The following RBFOX1 variants were observed in gnomAD, a reference collection of about 807,000 sequenced individuals.
The protein encoded by RBFOX1 is RNA binding protein fox-1 homolog 1.
RBFOX1 carries 8 observed loss-of-function variants against 57.7 expected under a neutral mutation model. That is an observed-to-expected ratio of 0.14 (90% CI 0.08 to 0.25). RBFOX1 has a LOEUF of 0.25. Among genes scored for constraint, RBFOX1 ranks in the 10% least tolerant of loss-of-function variants. The pLI, the probability that RBFOX1 is intolerant of heterozygous loss-of-function variation, is 1.00. For missense variants in RBFOX1, 611 were observed against 548.5 expected, an observed-to-expected ratio of 1.11 and a Z score of -1.14; for synonymous variants, 326 against 222.4, an observed-to-expected ratio of 1.47 and a Z score of -4.15.
chr16:7,549,083 G>A (rs2085513270), intron 5 of RBFOX1, among the ~76,000 whole-genome samples: 2 of 152,342 alleles, frequency 1.3e-5, no homozygotes, highest in South Asian at 4.1e-4. Flanking sequence ...CGACATTTAA[G>A]CCGATGACTA....
chr16:5,742,059 A>G (rs933377425), intron 3 of RBFOX1, among the ~76,000 whole-genome samples: 1 of 152,362 alleles, frequency 6.6e-6, no homozygotes, highest in East Asian at 1.9e-4. Flanking sequence ...TTTTTAAAAA[A>G]TGCTATATCC....
chr16:5,850,473 G>T (rs1353537748), intron 3 of RBFOX1, among the ~76,000 whole-genome samples: 8 of 152,192 alleles, frequency 5.3e-5, no homozygotes, highest in Admixed American at 5.2e-4. Flanking sequence ...ACTGTGCTAG[G>T]TTCTCTAACA....
At chr16:5,506,996 T>A (rs554878013) in intron 2 of RBFOX1, among the ~76,000 whole-genome samples, 3 of 152,240 alleles carry the variant, frequency 2.0e-5, no homozygotes, top group Admixed American at 1.3e-4. Context: ...CCTATTCTGT[T>A]CTCTACCTTT....
At chr16:6,305,130 G>T (rs1012747171) in intron 1 of RBFOX1, among the ~76,000 whole-genome samples, 1 of 152,162 alleles carries the variant, frequency 6.6e-6, no homozygotes, top group Admixed American at 6.5e-5. Context: ...TCTTTCTCGG[G>T]TTATCCCAAA....
intron 2 of RBFOX1, among the ~76,000 whole-genome samples, chr16:6,529,434 C>T (rs995841418): frequency 6.6e-6 from 1 of 151,950 alleles, no homozygotes; most frequent in African/African-American, 2.4e-5. Flanking sequence ...TGGCACACAC[C>T]TGTAATCCCG....
intron 3 of RBFOX1, among the ~76,000 whole-genome samples, chr16:6,849,805 C>T (rs1009541748): frequency 6.6e-6 from 1 of 152,200 alleles, no homozygotes; most frequent in Non-Finnish European, 1.5e-5. Context: ...GATTTCTACC[C>T]ACTGAAAATC....
intron 1 of RBFOX1, among the ~76,000 whole-genome samples, chr16:5,405,820 G>A (rs539472916): frequency 6.6e-6 from 1 of 151,986 alleles, no homozygotes; most frequent in Non-Finnish European, 1.5e-5. Context: ...TTGGGCTCCC[G>A]GGAAAAGTTT....
intron 1 of RBFOX1, among the ~76,000 whole-genome samples, chr16:5,456,862 C>T (rs1175802624): frequency 1.3e-5 from 2 of 152,200 alleles, no homozygotes; most frequent in Admixed American, 6.5e-5. Flanking sequence ...TGCCTCAAGC[C>T]ACTCCCCACT....
At chr16:6,753,985 T>C (rs2075379077) in intron 3 of RBFOX1, among the ~76,000 whole-genome samples, 1 of 152,162 alleles carries the variant, frequency 6.6e-6, no homozygotes, top group Non-Finnish European at 1.5e-5. Context: ...TTGACTTGGA[T>C]GCTTTTTACT....
chr16:7,024,791 A>G (rs1372387758), intron 3 of RBFOX1, among the ~76,000 whole-genome samples: 1 of 152,174 alleles, frequency 6.6e-6, no homozygotes, highest in African/African-American at 2.4e-5. Flanking sequence ...CATTCCCTGC[A>G]ATTCCCTCTG....
In RBFOX1 at chr16:6,926,788, A is replaced by C. The variant is rs536286953; in HGVS notation, c.-15-125269A>C. ...TTAAATGCTTCTGCTGGGTCTCTTGAGTTCTTAAAATTATCGTTTTGATCT... is the reference window on the plus strand; with the variant it reads ...TTAAATGCTTCTGCTGGGTCTCTTGCGTTCTTAAAATTATCGTTTTGATCT... On this transcript the variant is annotated intron_variant, in intron 3 of 15. Coordinates refer to ENST00000550418, the MANE Select transcript of RBFOX1 (RefSeq NM_018723.4). 8.5e-5 allele frequency among the ~76,000 whole-genome samples: 13 copies of C among 152,232 alleles called. 1 individual carries two copies. The highest frequency in any genetic ancestry group is 2.1e-4 in the South Asian group (1 of 4,826).
chr16:6,702,202 T>C (rs4786915), intron 3 of RBFOX1, among the ~76,000 whole-genome samples: 150,454 of 152,284 alleles, frequency 0.99, 74,356 homozygotes, highest in Middle Eastern at 1. Flanking sequence ...CACCTCCCAG[T>C]AGACCCACCT....
intron 10 of RBFOX1, among the ~76,000 whole-genome samples, chr16:7,629,520 G>A (rs561557019): frequency 6.6e-6 from 1 of 152,298 alleles, no homozygotes; most frequent in Admixed American, 6.5e-5. Context: ...AGTCAAGGAA[G>A]TGACCAGAAA....
At chr16:6,189,583 C>T (rs550436903) in intron 1 of RBFOX1, among the ~76,000 whole-genome samples, 13 of 152,106 alleles carry the variant, frequency 8.5e-5, no homozygotes, top group African/African-American at 1.7e-4. Flanking sequence ...CACCTGCTCT[C>T]GTTGTTGGGG....
At chr16:7,624,936 G>C (rs1437441089) in intron 10 of RBFOX1, among the ~76,000 whole-genome samples, 1 of 152,108 alleles carries the variant, frequency 6.6e-6, no homozygotes, top group Non-Finnish European at 1.5e-5. Flanking sequence ...AAGTGTAATA[G>C]GCAAGAAAGG....
intron 4 of RBFOX1, among the ~76,000 whole-genome samples, chr16:7,070,587 T>C (rs1045214849): frequency 3.3e-5 from 5 of 152,194 alleles, no homozygotes; most frequent in African/African-American, 1.2e-4. Context: ...GATAGCTGAG[T>C]TTACGTTTAA....
chr16:5,577,303 G>A lies in RBFOX1; in HGVS notation c.259-21599G>A, dbSNP rs186812646. ...GATTGGCTCTGTAACTAGCAGCATT[G>A]TAGTGGGATCAAGCTCTTCCTTCAG... On this transcript the variant is annotated intron_variant, in intron 2 of 2. Coordinates refer to the RBFOX1 transcript ENST00000585867. Among the ~76,000 whole-genome samples, 5 of 152,326 alleles carry A rather than the reference G, an allele frequency of 3.3e-5. No individual in the cohort carries two copies. In the East Asian group the frequency reaches 9.7e-4, roughly 29 times the overall value.
chr16:5,632,738 C>T (rs574881545), intron 3 of RBFOX1, among the ~76,000 whole-genome samples: 4 of 152,244 alleles, frequency 2.6e-5, no homozygotes, highest in African/African-American at 7.2e-5. Flanking sequence ...CTTACTGTCC[C>T]GCACATGCTG....
At chr16:7,224,517 C>T (rs1459729136) in intron 4 of RBFOX1, among the ~76,000 whole-genome samples, 1 of 152,112 alleles carries the variant, frequency 6.6e-6, no homozygotes, top group Non-Finnish European at 1.5e-5. Flanking sequence ...ACCTGCCCCT[C>T]AGTGCCTCTG....
Sources: allele counts gnomAD v4.1 joint callset (sites outside exome capture counted in the v4.1 genomes callset), GRCh38; gene constraint gnomAD v4.1.1; transcripts MANE v1.5; gene names NCBI Gene and HGNC (gene_info 2026-07-23, HGNC 2026-07-21).